Variants in TMEM232 observed in about 807,000 individuals in gnomAD.
TMEM232 encodes transmembrane protein 232.
A neutral mutation model predicts 78.8 loss-of-function variants in TMEM232; 80 were observed. That is an observed-to-expected ratio of 1.01 (90% CI 0.85 to 1.22). The LOEUF (loss-of-function observed/expected upper bound fraction) is 1.22, where lower values mean the gene tolerates loss of function less well. Among genes scored for constraint, TMEM232 ranks in the 50% most tolerant of loss-of-function variants. TMEM232 has a pLI of 0.00. For missense variants in TMEM232, 881 were observed against 742.2 expected, an observed-to-expected ratio of 1.19 and a Z score of -2.17; for synonymous variants, 297 against 254.3, an observed-to-expected ratio of 1.17 and a Z score of -1.60.
At chr5:110,406,275 C>T (rs770109879) in intron 2 of TMEM232, among the ~76,000 whole-genome samples, 18,436 of 144,402 alleles carry the variant, frequency 0.13, 1,710 homozygotes, top group African/African-American at 0.26. Flanking sequence ...TACACACACA[C>T]ACACACACAC....
chr5:110,430,320 A>T (rs1757694094), intron 12 of TMEM232, among the ~76,000 whole-genome samples: 1 of 150,886 alleles, frequency 6.6e-6, no homozygotes, highest in African/African-American at 2.4e-5. Context: ...TTATGTATTG[A>T]AGTTGCACCT....
intron 12 of TMEM232, among the ~76,000 whole-genome samples, chr5:110,441,305 AC>A (rs1230589922): frequency 6.6e-6 from 1 of 152,114 alleles, no homozygotes; most frequent in Non-Finnish European, 1.5e-5. Flanking sequence ...AGACAAAATT[AC>A]CCATGGTTGA....
chr5:110,439,509 G>A (rs755735092), intron 12 of TMEM232, among the ~76,000 whole-genome samples: 21 of 151,908 alleles, frequency 1.4e-4, no homozygotes, highest in Non-Finnish European at 2.6e-4. Context: ...GCAGGCTCCA[G>A]GGTCCTTGGG....
chr5:110,687,739 T>C (rs928926384), intron 1 of TMEM232, among the ~76,000 whole-genome samples: 1 of 151,770 alleles, frequency 6.6e-6, no homozygotes, highest in South Asian at 2.1e-4. Flanking sequence ...TGTGTGTATA[T>C]ACACACACAC....
intron 8 of TMEM232, chr5:110,618,133 A>G (rs1783169699): frequency 3.5e-6 from 1 of 289,182 alleles, no homozygotes; most frequent in Admixed American, 5.3e-5. Context: ...CTTGGAATAT[A>G]AAGGCTGTTT....
At chr5:110,456,960 G>C (rs930610485) in intron 12 of TMEM232, among the ~76,000 whole-genome samples, 2 of 152,018 alleles carry the variant, frequency 1.3e-5, no homozygotes, top group African/African-American at 4.8e-5. Context: ...TTTTGGGTTA[G>C]GCAAGATTTC....
At chr5:110,499,630 C>CA (rs1766011686) in intron 12 of TMEM232, among the ~76,000 whole-genome samples, 1 of 126,226 alleles carries the variant, frequency 7.9e-6, no homozygotes, top group African/African-American at 4.5e-5. Context: ...TGTATACACC[C>CA]CCCCCCACAC....
intron 12 of TMEM232, among the ~76,000 whole-genome samples, chr5:110,527,148 T>C (rs1157358637): frequency 2.0e-5 from 3 of 151,894 alleles, no homozygotes; most frequent in African/African-American, 7.2e-5. Context: ...GAAAGTTAAC[T>C]TTCTAACTTT....
At chr5:110,715,367 T>C (rs955117902) in intron 1 of TMEM232, among the ~76,000 whole-genome samples, 1 of 152,054 alleles carries the variant, frequency 6.6e-6, no homozygotes, top group Non-Finnish European at 1.5e-5. Context: ...AGACTAAATG[T>C]AAATGACCAG....
rs914702382 is a variant in TMEM232 at position 110,603,864 on chromosome 5, A to G, written c.1276+1245T>C. Among the ~76,000 whole-genome samples, 3 of 152,290 alleles carry G rather than the reference A, an allele frequency of 2.0e-5. No individual in the cohort carries two copies. In the East Asian group the frequency reaches 5.8e-4, roughly 29 times the overall value. ...GAAGGCAATTTAAAAATAGTGAGCA[A>G]GTTTTTGAGAATGAAATGTGTATCT... On this transcript the variant is annotated intron_variant, in intron 10 of 13. Coordinates refer to ENST00000455884, the MANE Select transcript of TMEM232 (RefSeq NM_001039763.4).
chr5:110,701,434 G>A (rs1178725071), intron 1 of TMEM232, among the ~76,000 whole-genome samples: 3 of 151,908 alleles, frequency 2.0e-5, no homozygotes, highest in African/African-American at 7.2e-5. Context: ...TTCAGTCTTT[G>A]TAATAGCCCC....
rs555831098 is a variant in TMEM232, at chr5:110,666,352, G to A, written c.125+876C>T. Among the ~76,000 whole-genome samples, 5 of 151,926 alleles carry A rather than the reference G, an allele frequency of 3.3e-5. No individual in the cohort carries two copies. The South Asian group carries it at 1.0e-3, about 32-fold the overall frequency. ...TTTTTTTCTTTTAAACATTTCTATT[G>A]TATTCTACTATTCAGATACATTTAA... On this transcript the variant is annotated intron_variant, in intron 2 of 13. Transcript: ENST00000455884.
At chr5:110,484,063 A>C (rs1257182193) in intron 12 of TMEM232, among the ~76,000 whole-genome samples, 2 of 152,196 alleles carry the variant, frequency 1.3e-5, no homozygotes, top group African/African-American at 2.4e-5. Context: ...ATAGGAACAG[A>C]AAACCAAGTA....
At chr5:110,645,303 G>T (rs899282669) in intron 2 of TMEM232, among the ~76,000 whole-genome samples, 10 of 151,552 alleles carry the variant, frequency 6.6e-5, no homozygotes, top group African/African-American at 2.4e-4. Context: ...AGTCCCTAGT[G>T]AACGTCAATG....
chr5:110,669,145 A>G (rs1791013596), intron 1 of TMEM232, among the ~76,000 whole-genome samples: 1 of 152,148 alleles, frequency 6.6e-6, no homozygotes, highest in Non-Finnish European at 1.5e-5. Context: ...GAACTGAAGG[A>G]GATAGAGACA....
At chr5:110,428,590 A>C (rs898893510) in intron 12 of TMEM232, among the ~76,000 whole-genome samples, 2 of 151,454 alleles carry the variant, frequency 1.3e-5, no homozygotes, top group African/African-American at 4.8e-5. Flanking sequence ...CATACTTTCT[A>C]ATGTGCTCCA....
chr5:110,505,092 C>T (rs1366642245), intron 12 of TMEM232, among the ~76,000 whole-genome samples: 1 of 152,098 alleles, frequency 6.6e-6, no homozygotes, highest in Non-Finnish European at 1.5e-5. Flanking sequence ...TTTTCCATAA[C>T]CAAACTGGAA....
At chr5:110,523,988 G>C (rs1769982472) in intron 12 of TMEM232, among the ~76,000 whole-genome samples, 1 of 130,048 alleles carries the variant, frequency 7.7e-6, no homozygotes, top group Non-Finnish European at 1.6e-5. Context: ...GGGGGGGCTG[G>C]GCCTGGTGGC....
At chr5:110,465,916 G>A (rs183634623) in intron 12 of TMEM232, among the ~76,000 whole-genome samples, 190 of 152,014 alleles carry the variant, frequency 1.2e-3, no homozygotes, top group African/African-American at 4.3e-3. Context: ...ATGGAATATG[G>A]CAATAAACAA....
Sources: allele counts gnomAD v4.1 joint callset (sites outside exome capture counted in the v4.1 genomes callset), GRCh38; gene constraint gnomAD v4.1.1; transcripts MANE v1.5; gene names NCBI Gene and HGNC (gene_info 2026-07-23, HGNC 2026-07-21).